SMYD3: variants seen among roughly 807,000 people sequenced by gnomAD.
The protein encoded by SMYD3 is SET and MYND domain containing 3.
A neutral mutation model predicts 57.7 loss-of-function variants in SMYD3; 36 were observed. The observed-to-expected ratio is 0.62, with a 90% CI of 0.48 to 0.82. The LOEUF is 0.82. Ranked by LOEUF, SMYD3 falls within the 40% of genes least tolerant of loss-of-function variation. The pLI is 0.00. For missense variants in SMYD3, 515 were observed against 538.8 expected (o/e 0.96, Z 0.44); for synonymous variants, 211 against 195.0 (o/e 1.08, Z -0.68).
At chr1:246,060,696 C>A (rs978766578) in intron 5 of SMYD3, among the ~76,000 whole-genome samples, 2 of 151,998 alleles carry the variant, frequency 1.3e-5, no homozygotes, top group African/African-American at 2.4e-5. Context: ...AAAATGAGTC[C>A]TAGATCTCAT....
At position 246,373,137 on chromosome 1, in the gene SMYD3, A is replaced by G. The variant is rs1157793625; in HGVS notation, c.165-18043T>C. Among the ~76,000 whole-genome samples the G allele has an allele frequency of 2.0e-5, 3 of 152,140 alleles. No individual in the cohort carries two copies. The East Asian group carries it at 5.8e-4, about 29-fold the overall frequency. ...AGACTGAAAAGAAATAGACCAAAAT[A>G]TTGATTTTTTTCTTTAAATGATACG... On this transcript the variant is annotated intron_variant, in intron 1 of 11. Transcript: ENST00000490107.
intron 1 of SMYD3, among the ~76,000 whole-genome samples, chr1:246,486,340 G>C (rs1401509425): frequency 6.6e-6 from 1 of 152,002 alleles, no homozygotes; most frequent in Non-Finnish European, 1.5e-5. Flanking sequence ...CTCTAGAATG[G>C]GTAATAATAG....
chr1:245,962,678 C>T (rs573671407), intron 5 of SMYD3, among the ~76,000 whole-genome samples: 124 of 125,590 alleles, frequency 9.9e-4, no homozygotes, highest in African/African-American at 3.1e-3. Flanking sequence ...GACCAAAAAT[C>T]TTGTGCCAAG....
At chr1:246,507,002 CAGCACCCCA>C in intron 1 of SMYD3, 43 bp downstream of exon 1, 1 of 1,120,946 alleles carries the variant, frequency 8.9e-7, no homozygotes, top group Non-Finnish European at 1.2e-6. Flanking sequence ...CCCCCCTCCC[CAGCACCCCA>C]CACAGCTCGC....
intron 2 of SMYD3, among the ~76,000 whole-genome samples, chr1:246,344,896 T>C: frequency 6.6e-6 from 1 of 152,216 alleles, no homozygotes; most frequent in Non-Finnish European, 1.5e-5. Context: ...TTTTACTCAG[T>C]TTTCTTACTA....
chr1:245,956,337 C>G (rs2057839850), intron 5 of SMYD3, among the ~76,000 whole-genome samples: 1 of 152,198 alleles, frequency 6.6e-6, no homozygotes, highest in Non-Finnish European at 1.5e-5. Context: ...TTCATTGTGG[C>G]TTCCTCATCC....
chr1:245,782,477 C>T (rs2046871747), intron 10 of SMYD3, among the ~76,000 whole-genome samples: 1 of 152,218 alleles, frequency 6.6e-6, no homozygotes. Context: ...GGAATTCAAA[C>T]ACCTGACGGC....
chr1:246,028,249 A>G (rs1471067623), intron 5 of SMYD3, among the ~76,000 whole-genome samples: 3 of 152,208 alleles, frequency 2.0e-5, no homozygotes, highest in Non-Finnish European at 2.9e-5. Flanking sequence ...CAGAGCAACC[A>G]GGCAAGAGAA....
At chr1:246,344,392 A>T (rs985559241) in intron 2 of SMYD3, among the ~76,000 whole-genome samples, 3 of 152,140 alleles carry the variant, frequency 2.0e-5, no homozygotes, top group African/African-American at 7.2e-5. Flanking sequence ...CCCTCAGTAC[A>T]GTGTTTTGAG....
intron 10 of SMYD3, among the ~76,000 whole-genome samples, chr1:245,807,159 G>A (rs1039738065): frequency 6.6e-6 from 1 of 152,018 alleles, no homozygotes; most frequent in Non-Finnish European, 1.5e-5. Flanking sequence ...CCTGCTGCAG[G>A]CGGGCTACAG....
intron 6 of SMYD3, among the ~76,000 whole-genome samples, chr1:245,928,470 G>C (rs2056523529): frequency 6.6e-6 from 1 of 151,876 alleles, no homozygotes; most frequent in Admixed American, 6.6e-5. Flanking sequence ...CCAGCAGTTT[G>C]AGACCAGCCT....
At chr1:246,092,024 A>T (rs1290317842) in intron 5 of SMYD3, among the ~76,000 whole-genome samples, 3 of 152,196 alleles carry the variant, frequency 2.0e-5, no homozygotes, top group African/African-American at 7.2e-5. Context: ...TTTTTTTAAA[A>T]AGTATATGTA....
chr1:246,238,681 T>C (rs1572260713), intron 5 of SMYD3, among the ~76,000 whole-genome samples: 1 of 152,170 alleles, frequency 6.6e-6, no homozygotes. Context: ...CAATTCTTTC[T>C]TACATCTCAG....
At chr1:246,326,325 CA>C (rs1038620779) in intron 5 of SMYD3, 6 of 679,050 alleles carry the variant, frequency 8.8e-6, no homozygotes, top group Non-Finnish European at 1.6e-5. Context: ...AGATCCATAG[CA>C]GTGAGGGGGT....
chr1:245,942,851 C>T (rs1041768881), intron 5 of SMYD3, among the ~76,000 whole-genome samples: 2 of 152,178 alleles, frequency 1.3e-5, no homozygotes, highest in Non-Finnish European at 2.9e-5. Context: ...CACACAACTA[C>T]ATGGAAATTG....
chr1:246,036,423 G>A (rs1166057710), intron 5 of SMYD3, among the ~76,000 whole-genome samples: 1 of 151,992 alleles, frequency 6.6e-6, no homozygotes, highest in Non-Finnish European at 1.5e-5. Flanking sequence ...CATTTCTTGG[G>A]ATGTTATTTT....
chr1:246,500,331 C>T lies in SMYD3; in HGVS notation c.164+6723G>A, dbSNP rs150354875. Reference sequence around the variant, plus strand: ...CAATGAGGAAATCGGCAAACATAAACAGTCAAAACCACAAGCATTAGCCCA... The same window carrying T: ...CAATGAGGAAATCGGCAAACATAAATAGTCAAAACCACAAGCATTAGCCCA... On this transcript the variant is annotated intron_variant, in intron 1 of 11. Transcript: ENST00000490107. Among the ~76,000 whole-genome samples the T allele has an allele frequency of 6.5e-4, 99 of 152,312 alleles. 3 individuals carry two copies. The highest frequency in any genetic ancestry group is 3.4e-3 in the Middle Eastern group (1 of 294).
intron 5 of SMYD3, among the ~76,000 whole-genome samples, chr1:246,036,539 C>CTTTTTTTTTTT (rs59062672): frequency 2.1e-4 from 30 of 144,950 alleles, no homozygotes; most frequent in Non-Finnish European, 2.4e-4. Flanking sequence ...TTCTTTCTCT[C>CTTTTTTTTTTT]TTTTTTTTTT....
At chr1:245,936,542 A>C (rs907272251) in intron 5 of SMYD3, among the ~76,000 whole-genome samples, 1 of 152,234 alleles carries the variant, frequency 6.6e-6, no homozygotes, top group African/African-American at 2.4e-5. Flanking sequence ...GTGAAGCATC[A>C]GGTCATGAAA....
Sources: allele counts gnomAD v4.1 joint callset (sites outside exome capture counted in the v4.1 genomes callset), GRCh38; gene constraint gnomAD v4.1.1; transcripts MANE v1.5; gene names NCBI Gene and HGNC (gene_info 2026-07-23, HGNC 2026-07-21).